The following ZNF511 variants were observed in gnomAD, a reference collection of about 807,000 sequenced individuals.
The protein encoded by ZNF511 is zinc finger protein 511.
ZNF511 carries 26 observed loss-of-function variants against 24.8 expected under a neutral mutation model. The ratio of observed to expected loss-of-function variants is 1.05; its 90% CI spans 0.77 to 1.46. ZNF511 has a LOEUF of 1.46. ZNF511 is among the 40% of genes most tolerant of loss of function. The pLI, the probability that ZNF511 is intolerant of heterozygous loss-of-function variation, is 0.00. For missense variants in ZNF511, 358 were observed against 345.0 expected (o/e 1.04, Z -0.30); for synonymous variants, 144 against 139.6 (o/e 1.03, Z -0.22).
chr10:133,311,827 G>C lies in ZNF511; in HGVS notation c.666G>C (p.Arg222=). 6.2e-7 allele frequency: 1 copy of C among 1,613,382 alleles called. No individual in the cohort carries two copies. The highest frequency in any genetic ancestry group is 8.5e-7 in the Non-Finnish European group (1 of 1,180,036). The change falls in exon 5 of 6, where the codon CGG becomes CGC. Residue 222 remains arginine, a synonymous_variant. Transcript: ENST00000361518. ...CCCCTGCACCGGCAGGTGAGAGGCGGATCTACAGACATAGGTCAGTGTCTG... is the reference window on the plus strand; with the variant it reads ...CCCCTGCACCGGCAGGTGAGAGGCGCATCTACAGACATAGGTCAGTGTCTG... ...AASPAPAGER[R]IYRHRIPSTI...
chr10:133,308,988 C>A lies in ZNF511; in HGVS notation c.45C>A (p.Pro15=), dbSNP rs778325014. The change falls in exon 1 of 6, where the codon CCC becomes CCA. Residue 15 remains proline, a synonymous_variant. Coordinates refer to ENST00000361518, the MANE Select transcript of ZNF511 (RefSeq NM_145806.4). ...TGTGCGCCCGCCTCGCTGCGGGGCCCGGGGCGGCGGAGCCGCTGCCTGTAG... is the reference window on the plus strand; with the variant it reads ...TGTGCGCCCGCCTCGCTGCGGGGCCAGGGGCGGCGGAGCCGCTGCCTGTAG... ...PALCARLAAG[P]GAAEPLPVER... is the part of the protein sequence containing the mutation. 1 of 1,246,988 alleles carries A rather than the reference C, an allele frequency of 8.0e-7. No homozygotes were observed. Among genetic ancestry groups the A allele is most frequent in the African/African-American group, 1.6e-5 (1 of 64,342 alleles). 77.2% of individuals were successfully genotyped at this position (1,246,988 alleles called of 1,614,324 possible).
intron 2 of ZNF511, 77 bp downstream of exon 2, chr10:133,309,540 G>A: frequency 6.6e-7 from 1 of 1,512,154 alleles, no homozygotes; most frequent in Non-Finnish European, 9.0e-7. Flanking sequence ...CTGGGGCTGT[G>A]CTGCCGCTCT....
At chr10:133,312,088 C>A in intron 5 of ZNF511, 1 of 1,455,848 alleles carries the variant, frequency 6.9e-7, no homozygotes, top group Middle Eastern at 2.2e-4. Flanking sequence ...CACTTTTCCT[C>A]ATTGTCTGAG....
At position 133,312,771 on chromosome 10, in the gene ZNF511, A is replaced by G; in HGVS notation, c.681-17A>G. On this transcript the variant is annotated splice_polypyrimidine_tract_variant and intron_variant, in intron 5 of 5. Transcript: ENST00000361518. ...TTGGCAAATACAGCATCTAATAGAA[A>G]CTTTCTTCCATCCCAGAATACCCTC... 1 of 1,614,158 alleles carries G rather than the reference A, an allele frequency of 6.2e-7. No individual in the cohort carries two copies. Among genetic ancestry groups the G allele is most frequent in the Non-Finnish European group, 8.5e-7 (1 of 1,180,002 alleles).
rs942119837 is a variant in ZNF511 at position 133,312,686 on chromosome 10, C to G, written c.681-102C>G. ...GGGCCGGCTCTGCATTCCGCATGTT[C>G]CCAGAGTGAAAGAGAATGAGAAGGA... is the stretch of plus-strand genomic sequence containing the variant. On this transcript the variant is annotated intron_variant, in intron 5 of 5. Transcript: ENST00000361518. 3.7e-5 allele frequency: 59 copies of G among 1,578,526 alleles called. No homozygotes were observed. The African/African-American group carries it at 6.2e-4, about 17-fold the overall frequency.
chr10:133,309,173 G>A, intron 1 of ZNF511, 77 bp downstream of exon 1: 1 of 1,372,616 alleles, frequency 7.3e-7, no homozygotes, highest in Non-Finnish European at 9.5e-7. Context: ...CCGGAGCCTG[G>A]AGTGGGAGGG....
Position 133,313,117 on chromosome 10 carries a change from C to A in ZNF511, c.*251C>A. On this transcript the variant is annotated 3_prime_UTR_variant, in exon 6 of 6. Transcript: ENST00000361518. ...CCTGTCTCCTCCTGCAGGGCCCACCCTAAGAATGTATTTTTAAACACATGA... is the reference window on the plus strand; with the variant it reads ...CCTGTCTCCTCCTGCAGGGCCCACCATAAGAATGTATTTTTAAACACATGA... 1.2e-6 allele frequency: 1 copy of A among 815,588 alleles called. No individual in the cohort carries two copies. Among genetic ancestry groups the A allele is most frequent in the Non-Finnish European group, 1.8e-6 (1 of 563,702 alleles). The allele number at this position is 815,588 out of a possible 1,614,324, so 50.5% of individuals were successfully genotyped here. A position where few individuals can be genotyped will look rare whatever the true frequency, so the allele number is the denominator to read the frequency against.
Position 133,308,961 on chromosome 10 carries a change from G to A in ZNF511, c.18G>A (p.Ala6=), listed in dbSNP as rs1302117515. The A allele has an allele frequency of 4.8e-6, 6 of 1,239,256 alleles. No homozygotes were observed. Among genetic ancestry groups the A allele is most frequent in the East Asian group, 3.2e-5 (1 of 31,116 alleles). 76.8% of individuals were successfully genotyped at this position (1,239,256 alleles called of 1,614,324 possible). A position where few individuals can be genotyped will look rare whatever the true frequency, so the allele number is the denominator to read the frequency against. MQLPP[A]LCARLAAGPG... The stretch of plus-strand genomic sequence containing the variant: ...CCGGGGTGATGCAGTTGCCCCCCGC[G>A]CTGTGCGCCCGCCTCGCTGCGGGGC... The change falls in exon 1 of 6, where the codon GCG becomes GCA. Residue 6 remains alanine (A), a synonymous_variant. Transcript: ENST00000361518.
intron 5 of ZNF511, 88 bp from the exon 6 acceptor site, chr10:133,312,700 G>C: frequency 6.2e-7 from 1 of 1,601,754 alleles, no homozygotes; most frequent in Non-Finnish European, 8.5e-7. Flanking sequence ...GAGTGAAAGA[G>C]AATGAGAAGG....
chr10:133,309,413 C>T lies in ZNF511; in HGVS notation c.177C>T (p.Leu59=). ...FFEDGDVQRH[L]YLQDVIMQVA... ...AGGATGGGGACGTGCAGCGCCACCT[C>T]TACCTCCAGGACGTGATCATGCAGG... is the stretch of plus-strand genomic sequence containing the variant. Residue 59 remains leucine (L), a synonymous_variant, in exon 2 of 6, where the codon CTC becomes CTT. Coordinates refer to ENST00000361518, the MANE Select transcript of ZNF511 (RefSeq NM_145806.4). 1 of 1,612,378 alleles carries T rather than the reference C, an allele frequency of 6.2e-7. No individual in the cohort carries two copies. The highest frequency in any genetic ancestry group is 8.5e-7 in the Non-Finnish European group (1 of 1,179,728).
rs530108586 is a variant in ZNF511 at position 133,313,056 on chromosome 10, G to A, written c.*190G>A. On this transcript the variant is annotated 3_prime_UTR_variant, in exon 6 of 6. Coordinates refer to ENST00000361518, the MANE Select transcript of ZNF511 (RefSeq NM_145806.4). ...TGAGGGACCCACAGATTTTGGAAAC[G>A]ACCTGGACACACTATTGGGAAGGAG... The A allele has an allele frequency of 3.3e-5, 47 of 1,414,146 alleles. No homozygotes were observed. In the South Asian group the frequency reaches 3.6e-4, roughly 11 times the overall value. 87.6% of individuals were successfully genotyped at this position (1,414,146 alleles called of 1,614,324 possible).
intron 4 of ZNF511, 139 bp downstream of exon 4, chr10:133,310,427 G>A: frequency 9.0e-7 from 1 of 1,114,584 alleles, no homozygotes; most frequent in Non-Finnish European, 1.3e-6. Context: ...GGTACCTGAA[G>A]CCCTGGCAAC....
chr10:133,309,147 C>A, intron 1 of ZNF511, 51 bp downstream of exon 1: 1 of 1,382,746 alleles, frequency 7.2e-7, no homozygotes, highest in Admixed American at 3.4e-5. Context: ...GTGGGGCCTA[C>A]GGCGGCGAGG....
chr10:133,309,703 G>A (rs961451694), intron 2 of ZNF511, 73 bp from the exon 3 acceptor site: 14 of 1,559,704 alleles, frequency 9.0e-6, no homozygotes, highest in African/African-American at 1.4e-5. Flanking sequence ...CGTCTCAAAG[G>A]GAAACTGTGC....
chr10:133,311,621 G>A (rs2136154663), intron 4 of ZNF511, 95 bp from the exon 5 acceptor site: 2 of 1,098,260 alleles, frequency 1.8e-6, no homozygotes. Flanking sequence ...GCTACTTACA[G>A]GGAAATCCAG....
chr10:133,308,931 C>CGCGCCCGGGGTGATGCAGTTG lies in ZNF511; in HGVS notation c.-12_9dup. 1 of 1,219,904 alleles carries CGCGCCCGGGGTGATGCAGTTG rather than the reference C, an allele frequency of 8.2e-7. No homozygotes were observed. Among genetic ancestry groups the CGCGCCCGGGGTGATGCAGTTG allele is most frequent in the Non-Finnish European group, 1.0e-6 (1 of 976,022 alleles). 75.6% of individuals were successfully genotyped at this position (1,219,904 alleles called of 1,614,324 possible). ...CGGTGGCCGACAGGCTGCGCCCGCC[C>CGCGCCCGGGGTGATGCAGTTG]GCGCCCGGGGTGATGCAGTTGCCCC... On this transcript the variant is annotated 5_prime_UTR_variant, in exon 1 of 6. The change creates a new upstream start codon in the 5' untranslated region. Coordinates refer to ENST00000361518, the MANE Select transcript of ZNF511 (RefSeq NM_145806.4).
Position 133,311,812 on chromosome 10 carries a change from G to A in ZNF511, c.651G>A (p.Pro217=), listed in dbSNP as rs893005233. Residue 217 remains proline (P), a synonymous_variant, in exon 5 of 6, where the codon CCG becomes CCA. Transcript: ENST00000361518. Reference sequence around the variant, plus strand: ...AGCCTGTGGCAGCCTCCCCTGCACCGGCAGGTGAGAGGCGGATCTACAGAC... The same window carrying A: ...AGCCTGTGGCAGCCTCCCCTGCACCAGCAGGTGAGAGGCGGATCTACAGAC... ...CSEPVAASPA[P]AGERRIYRHR... is the part of the protein sequence containing the mutation. 13 of 1,613,150 alleles carry A rather than the reference G, an allele frequency of 8.1e-6. No individual in the cohort carries two copies. Among genetic ancestry groups the A allele is most frequent in the African/African-American group, 2.7e-5 (2 of 74,922 alleles).
At position 133,312,712 on chromosome 10, in the gene ZNF511, GAC is replaced by G. The variant is rs1465257257; in HGVS notation, c.681-70_681-69del. ...CCAGAGTGAAAGAGAATGAGAAGGA[GAC>G]ACACAAGTGCTGTTATGACCTGGGT... On this transcript the variant is annotated intron_variant, in intron 5 of 5. Transcript: ENST00000361518. 7 of 1,607,204 alleles carry G rather than the reference GAC, an allele frequency of 4.4e-6. No individual in the cohort carries two copies. In the African/African-American group the frequency reaches 9.4e-5, roughly 22 times the overall value.
chr10:133,310,086 C>T (rs1374894096), intron 3 of ZNF511, 78 bp from the exon 4 acceptor site: 26 of 1,610,818 alleles, frequency 1.6e-5, no homozygotes, highest in African/African-American at 2.7e-5. Context: ...CCTTTCCGCC[C>T]TTGGCAGCTC....
Sources: allele counts gnomAD v4.1 joint callset, GRCh38; gene constraint gnomAD v4.1.1; transcripts MANE v1.5; gene names NCBI Gene and HGNC (gene_info 2026-07-23, HGNC 2026-07-21).